The following PARD3B variants were observed in gnomAD, a reference collection of about 807,000 sequenced individuals.
PARD3B encodes par-3 family cell polarity regulator beta.
In PARD3B, 103 loss-of-function variants were observed where a neutral mutation model predicts 130.2. The observed-to-expected ratio is 0.79, with a 90% CI of 0.67 to 0.93. The LOEUF (loss-of-function observed/expected upper bound fraction) is 0.93. Among genes scored for constraint, PARD3B ranks in the 40% least tolerant of loss-of-function variants. The probability of loss-of-function intolerance (pLI) is 0.00; values close to 1 mark genes in which losing one functional copy is unlikely to be tolerated. For synonymous variants in PARD3B, 583 were observed against 553.2 expected, an observed-to-expected ratio of 1.05 and a Z score of -0.76; for missense variants, 1,609 against 1,499.2, an observed-to-expected ratio of 1.07 and a Z score of -1.21.
intron 2 of PARD3B, among the ~76,000 whole-genome samples, chr2:204,956,479 G>A (rs236819): frequency 0.52 from 78,723 of 151,602 alleles, 21,824 homozygotes; most frequent in East Asian, 0.75. Context: ...GGTAAGATGT[G>A]TGTAATTTAG....
chr2:204,944,115 C>A (rs2125809381), intron 2 of PARD3B, among the ~76,000 whole-genome samples: 1 of 152,248 alleles, frequency 6.6e-6, no homozygotes, highest in Non-Finnish European at 1.5e-5. Flanking sequence ...GGCACAAATT[C>A]AAAATGAAGT....
At chr2:205,604,468 A>G (rs1224600231) in intron 22 of PARD3B, among the ~76,000 whole-genome samples, 2 of 152,202 alleles carry the variant, frequency 1.3e-5, no homozygotes, top group East Asian at 3.8e-4. Flanking sequence ...TGCCCCCATT[A>G]TTCAATTACC....
chr2:204,751,570 G>A (rs1473347353), intron 2 of PARD3B, among the ~76,000 whole-genome samples: 1 of 152,160 alleles, frequency 6.6e-6, no homozygotes, highest in African/African-American at 2.4e-5. Context: ...CTGAAAATAA[G>A]TTTTATTTCT....
intron 3 of PARD3B, among the ~76,000 whole-genome samples, chr2:204,984,572 G>C (rs927670518): frequency 6.6e-6 from 1 of 152,202 alleles, no homozygotes; most frequent in East Asian, 1.9e-4. Flanking sequence ...TATTCACAAA[G>C]GAATGTTATT....
chr2:205,060,038 G>T (rs981650179), intron 4 of PARD3B, among the ~76,000 whole-genome samples: 3 of 152,036 alleles, frequency 2.0e-5, no homozygotes, highest in African/African-American at 7.2e-5. Flanking sequence ...TTAGATCACA[G>T]AACTAACAAG....
intron 18 of PARD3B, among the ~76,000 whole-genome samples, chr2:205,308,264 TAAAG>T (rs1244731266): frequency 6.6e-6 from 1 of 152,038 alleles, no homozygotes; most frequent in Non-Finnish European, 1.5e-5. Context: ...CCTGTCTTAA[TAAAG>T]GAAGGAAGGA....
chr2:204,895,663 C>A (rs1291902850), intron 2 of PARD3B, among the ~76,000 whole-genome samples: 5 of 151,978 alleles, frequency 3.3e-5, no homozygotes, highest in Non-Finnish European at 1.5e-5. Flanking sequence ...AAAAAAAGAA[C>A]CAATACTAAC....
chr2:204,913,290 G>A (rs1443011865), intron 2 of PARD3B, among the ~76,000 whole-genome samples: 1 of 152,212 alleles, frequency 6.6e-6, no homozygotes, highest in South Asian at 2.1e-4. Flanking sequence ...GTGATTCTGG[G>A]CTCCAGAATC....
chr2:204,704,396 T>C (rs1489062847), intron 2 of PARD3B, among the ~76,000 whole-genome samples: 1 of 152,184 alleles, frequency 6.6e-6, no homozygotes, highest in Non-Finnish European at 1.5e-5. Flanking sequence ...CTTTACCAGC[T>C]TTTGAAATAC....
intron 22 of PARD3B, among the ~76,000 whole-genome samples, chr2:205,573,422 G>A (rs1431000837): frequency 1.3e-5 from 2 of 152,162 alleles, no homozygotes; most frequent in African/African-American, 4.8e-5. Flanking sequence ...TGGGTGGAAA[G>A]GCAGAGTGGT....
chr2:205,275,477 T>C (rs1314024934), intron 16 of PARD3B, among the ~76,000 whole-genome samples: 8 of 152,078 alleles, frequency 5.3e-5, no homozygotes, highest in African/African-American at 1.9e-4. Context: ...ATAAAAAATC[T>C]GGGGTCTTTA....
chr2:205,570,979 C>T (rs2053540605), intron 22 of PARD3B, among the ~76,000 whole-genome samples: 1 of 152,062 alleles, frequency 6.6e-6, no homozygotes, highest in Non-Finnish European at 1.5e-5. Context: ...CATAGCCACT[C>T]CACCATATAT....
chr2:204,981,758 T>C (rs578030303), intron 3 of PARD3B, among the ~76,000 whole-genome samples: 1 of 152,226 alleles, frequency 6.6e-6, no homozygotes, highest in South Asian at 2.1e-4. Context: ...GGGAGAACAC[T>C]AAAACATGGT....
intron 21 of PARD3B, 135 bp from the exon 22 acceptor site, chr2:205,553,189 T>C: frequency 1.4e-6 from 1 of 717,484 alleles, no homozygotes; most frequent in African/African-American, 1.8e-5. Context: ...CAATGTGGAG[T>C]TCTTGCTTGC....
At chr2:205,107,251 G>T (rs4675498) in intron 5 of PARD3B, among the ~76,000 whole-genome samples, 93,632 of 152,034 alleles carry the variant, frequency 0.62, 29,285 homozygotes, top group East Asian at 0.8. Context: ...TGGATAAAAT[G>T]TTTTAAACCA....
intron 2 of PARD3B, among the ~76,000 whole-genome samples, chr2:204,732,453 C>G (rs374342266): frequency 6.6e-6 from 1 of 151,562 alleles, no homozygotes; most frequent in African/African-American, 2.4e-5. Flanking sequence ...TTACTTTGCT[C>G]ATTAGTTTAA....
intron 2 of PARD3B, among the ~76,000 whole-genome samples, chr2:204,829,433 T>C (rs1405020152): frequency 6.6e-6 from 1 of 152,212 alleles, no homozygotes; most frequent in Non-Finnish European, 1.5e-5. Context: ...TTTGTCTCCC[T>C]AATTCAGTAA....
intron 14 of PARD3B, among the ~76,000 whole-genome samples, chr2:205,188,088 A>G (rs2036197246): frequency 6.6e-6 from 1 of 152,244 alleles, no homozygotes; most frequent in East Asian, 1.9e-4. Flanking sequence ...ATTAGGATGC[A>G]GCCAGCTAAG....
intron 2 of PARD3B, among the ~76,000 whole-genome samples, chr2:204,876,342 A>G (rs543705979): frequency 7.2e-4 from 109 of 152,202 alleles, no homozygotes; most frequent in Non-Finnish European, 1.4e-3. Flanking sequence ...AAATGCAAAT[A>G]TTTTCTTAAA....
Sources: gnomAD v4.1 joint callset for allele counts (sites outside exome capture counted in the v4.1 genomes callset) on GRCh38, gnomAD v4.1.1 for gene constraint, MANE v1.5 for transcripts, NCBI Gene and HGNC (gene_info 2026-07-23, HGNC 2026-07-21) for gene names.